ABHD12: variants seen among roughly 807,000 people sequenced by gnomAD.
ABHD12 encodes abhydrolase domain containing 12, lysophospholipase.
A neutral mutation model predicts 58.3 loss-of-function variants in ABHD12; 43 were observed. The observed-to-expected ratio is 0.74, with a 90% CI of 0.58 to 0.95. The LOEUF (loss-of-function observed/expected upper bound fraction) is 0.95. Ranked by LOEUF, ABHD12 falls within the 40% of genes least tolerant of loss-of-function variation. The pLI, the probability that ABHD12 is intolerant of heterozygous loss-of-function variation, is 0.00. For synonymous variants in ABHD12, 219 were observed against 211.2 expected (o/e 1.04, Z -0.32); for missense variants, 539 against 537.2 (o/e 1.00, Z -0.03).
At chr20:25,375,761 T>C (rs1198513520) in intron 1 of ABHD12, among the ~76,000 whole-genome samples, 1 of 152,242 alleles carries the variant, frequency 6.6e-6, no homozygotes, top group African/African-American at 2.4e-5. Flanking sequence ...GTGGCTGCTA[T>C]TTGGGTTATT....
At chr20:25,307,752 G>T (rs1402624845) in intron 9 of ABHD12, among the ~76,000 whole-genome samples, 1 of 152,204 alleles carries the variant, frequency 6.6e-6, no homozygotes, top group East Asian at 1.9e-4. Flanking sequence ...GCCCTCAAAT[G>T]ACCCAATTAT....
chr20:25,308,377 C>A lies in ABHD12; in HGVS notation c.787+80G>T, dbSNP rs137947761. 0.018 allele frequency: 27,120 copies of A among 1,538,244 alleles called. 299 individuals carry two copies. The highest frequency in any genetic ancestry group is 0.019 in the Non-Finnish European group (21,630 of 1,128,766). On this transcript the variant is annotated intron_variant, in intron 8 of 12. Coordinates refer to ENST00000339157, the MANE Select transcript of ABHD12 (RefSeq NM_001042472.3). ...CAGCTCATGCTGCTCCATGAGGACGCTGAGCACTTGCAGCAGGGCCGGGAC... is the reference window on the plus strand; with the variant it reads ...CAGCTCATGCTGCTCCATGAGGACGATGAGCACTTGCAGCAGGGCCGGGAC...
downstream of ABHD12, chr20:25,295,523 C>T (rs928814112): frequency 8.7e-6 from 13 of 1,489,938 alleles, no homozygotes; most frequent in Admixed American, 1.8e-4. Flanking sequence ...TGCCTGGCCT[C>T]CTGCCCTGGG....
At chr20:25,389,229 G>A (rs1040768029) in intron 1 of ABHD12, among the ~76,000 whole-genome samples, 6 of 152,190 alleles carry the variant, frequency 3.9e-5, no homozygotes, top group Admixed American at 2.6e-4. Flanking sequence ...ATAGCAAAGA[G>A]AACAGATTAG....
chr20:25,368,747 AG>A, intron 1 of ABHD12: 1 of 1,051,898 alleles, frequency 9.5e-7, no homozygotes. Flanking sequence ...GCAATGTTGA[AG>A]AACAGTGGGG....
chr20:25,389,361 T>C (rs2090138464), intron 1 of ABHD12, among the ~76,000 whole-genome samples: 1 of 152,244 alleles, frequency 6.6e-6, no homozygotes, highest in Non-Finnish European at 1.5e-5. Flanking sequence ...TTCATGATTT[T>C]TTTAAGCAAT....
At chr20:25,311,759 C>T (rs941147783) in intron 6 of ABHD12, among the ~76,000 whole-genome samples, 4 of 152,154 alleles carry the variant, frequency 2.6e-5, no homozygotes, top group African/African-American at 9.7e-5. Context: ...GGCTGGAGTG[C>T]GGTGGCATGA....
At chr20:25,296,657 G>A, downstream of ABHD12, 2 of 1,218,636 alleles carry the variant, frequency 1.6e-6, no homozygotes, top group East Asian at 5.1e-5. Context: ...AGGGGCCATG[G>A]GGGTCAGGGT....
rs776158131 is a variant in ABHD12, at chr20:25,303,562, C to G, written c.1017G>C (p.Gln339His). The G allele has an allele frequency of 1.2e-6, 2 of 1,613,714 alleles. No individual in the cohort carries two copies. The highest frequency in any genetic ancestry group is 3.3e-4 in the Middle Eastern group (2 of 6,054). ...HAEDDPVVPF[Q>H]LGRKLYSIAA... ...GGCCAGGACCCACCTTTCTGCCAAGCTGGAAGGGCACCACCGGGTCGTCCT... is the reference window on the plus strand; with the variant it reads ...GGCCAGGACCCACCTTTCTGCCAAGGTGGAAGGGCACCACCGGGTCGTCCT... The change falls in exon 11 of 13, where the codon CAG becomes CAC. Residue 339 changes from glutamine to histidine, a missense_variant. Physicochemically the swap from Gln to His is conservative, Grantham distance 24. Coordinates refer to ENST00000339157, the MANE Select transcript of ABHD12 (RefSeq NM_001042472.3).
intron 11 of ABHD12, among the ~76,000 whole-genome samples, chr20:25,303,009 G>A (rs1189339623): frequency 6.6e-6 from 1 of 152,216 alleles, no homozygotes; most frequent in Non-Finnish European, 1.5e-5. Flanking sequence ...CTTGCTGACA[G>A]TCAAAGCAAA....
In ABHD12 at chr20:25,320,318, C is replaced by A; in HGVS notation, c.423G>T (p.Trp141Cys). ...TCCACCAGACTGCAGGGACGGTGTG[C>A]CTGCAGACAGAAGCAGAGGGGAGCG... is the stretch of plus-strand genomic sequence containing the variant. Reference protein sequence around the residue: ...QPEEDVTIGVWHTVPAVWWKN... With the variant: ...QPEEDVTIGVCHTVPAVWWKN... Residue 141 changes from tryptophan to cysteine, a missense_variant and splice_region_variant, in exon 4 of 13, where the codon TGG becomes TGT. By Grantham distance (215) the Trp-to-Cys change is radical (BLOSUM62 -2). Transcript: ENST00000339157. The A allele has an allele frequency of 6.2e-7, 1 of 1,613,660 alleles. No individual in the cohort carries two copies. Among genetic ancestry groups the A allele is most frequent in the East Asian group, 2.2e-5 (1 of 44,884 alleles).
At chr20:25,359,337 T>A (rs1292333478) in intron 1 of ABHD12, among the ~76,000 whole-genome samples, 1 of 138,322 alleles carries the variant, frequency 7.2e-6, no homozygotes, top group East Asian at 2.5e-4. Context: ...GGCAAGAGAA[T>A]GGCGTGAACC....
chr20:25,362,865 G>C (rs937524689), intron 1 of ABHD12, among the ~76,000 whole-genome samples: 1 of 151,828 alleles, frequency 6.6e-6, no homozygotes, highest in Non-Finnish European at 1.5e-5. Context: ...CTAGAGACAG[G>C]TTTCTCCATG....
chr20:25,356,181 AG>A (rs1322326146), intron 1 of ABHD12, among the ~76,000 whole-genome samples: 2 of 152,230 alleles, frequency 1.3e-5, no homozygotes, highest in African/African-American at 4.8e-5. Flanking sequence ...TAAAACTGCA[AG>A]GGAAAAAACA....
At chr20:25,303,011 C>T (rs1237907063) in intron 11 of ABHD12, among the ~76,000 whole-genome samples, 1 of 152,232 alleles carries the variant, frequency 6.6e-6, no homozygotes, top group Non-Finnish European at 1.5e-5. Context: ...TGCTGACAGT[C>T]AAAGCAAATT....
intron 2 of ABHD12, among the ~76,000 whole-genome samples, chr20:25,331,206 G>C (rs2089268909): frequency 6.6e-6 from 1 of 152,190 alleles, no homozygotes; most frequent in South Asian, 2.1e-4. Flanking sequence ...CTGGAAGAAA[G>C]GGTATCAGTG....
chr20:25,330,139 T>C (rs2089245269), intron 2 of ABHD12, among the ~76,000 whole-genome samples: 1 of 152,264 alleles, frequency 6.6e-6, no homozygotes, highest in Admixed American at 6.5e-5. Context: ...GGCAAGGCAT[T>C]GCCTCACTCG....
At chr20:25,308,535 A>G in intron 7 of ABHD12, 41 bp from the exon 8 acceptor site, 1 of 1,583,604 alleles carries the variant, frequency 6.3e-7, no homozygotes, top group South Asian at 1.1e-5. Context: ...TTATGATAAA[A>G]TTGTTTGAGA....
rs773039836 is a variant in ABHD12, at chr20:25,390,476, G to GCCCCCCCCCCCCCCCCCCCCCCCCCCCCC, written c.191+36_191+37insGGGGGGGGGGGGGGGGGGGGGGGGGGGGG. The GCCCCCCCCCCCCCCCCCCCCCCCCCCCCC allele has an allele frequency of 7.1e-5, 73 of 1,034,930 alleles. 11 individuals carry two copies. The highest frequency in any genetic ancestry group is 2.6e-4 in the South Asian group (14 of 52,938). 64.1% of individuals were successfully genotyped at this position (1,034,930 alleles called of 1,614,324 possible). A position where few individuals can be genotyped will look rare whatever the true frequency, so the allele number is the denominator to read the frequency against. Reference sequence around the variant, plus strand: ...ACGCACCTGCGCAAAGTGAGGGACCGGCCCCCCCCCCCCCCCCGCTCCGCG... The same window carrying GCCCCCCCCCCCCCCCCCCCCCCCCCCCCC: ...ACGCACCTGCGCAAAGTGAGGGACCGCCCCCCCCCCCCCCCCCCCCCCCCCCCCCGCCCCCCCCCCCCCCCCGCTCCGCG... On this transcript the variant is annotated intron_variant, in intron 1 of 12. Coordinates refer to ENST00000339157, the MANE Select transcript of ABHD12 (RefSeq NM_001042472.3).
Sources: gnomAD v4.1 joint callset for allele counts (sites outside exome capture counted in the v4.1 genomes callset) on GRCh38, gnomAD v4.1.1 for gene constraint, MANE v1.5 for transcripts, NCBI Gene and HGNC (gene_info 2026-07-23, HGNC 2026-07-21) for gene names.